The following FAM222A variants were observed in gnomAD, a reference collection of about 807,000 sequenced individuals.
FAM222A encodes family with sequence similarity 222 member A, also known as protein FAM222A.
Under a neutral mutation model 25.8 loss-of-function variants are expected in FAM222A, and 7 were observed. The observed-to-expected ratio is 0.27, with a 90% CI of 0.15 to 0.51. The LOEUF (loss-of-function observed/expected upper bound fraction) is 0.51, where lower values mean the gene tolerates loss of function less well. Ranked by LOEUF, FAM222A falls within the 20% of genes least tolerant of loss-of-function variation. The pLI is 0.97. For synonymous variants in FAM222A, 294 were observed against 298.8 expected (o/e 0.98, Z 0.17); for missense variants, 573 against 640.5 (o/e 0.89, Z 1.14).
chr12:109,760,046 G>T (rs1888848611), intron 2 of FAM222A, among the ~76,000 whole-genome samples: 1 of 152,178 alleles, frequency 6.6e-6, no homozygotes, highest in Non-Finnish European at 1.5e-5. Context: ...TGGGCCAGGG[G>T]TATGTAGGCA....
rs1338732064 is a variant in FAM222A at position 109,714,201 on chromosome 12, TGCCGCC to T, written c.-731_-726del. 6 of 205,922 alleles carry T rather than the reference TGCCGCC, an allele frequency of 2.9e-5. No homozygotes were observed. The highest frequency in any genetic ancestry group is 6.2e-5 in the Admixed American group (1 of 16,062). The allele number at this position is 205,922 out of a possible 1,614,324, so 12.8% of individuals were successfully genotyped here. On this transcript the variant is annotated 5_prime_UTR_variant, in exon 1 of 3. Transcript: ENST00000538780. This position sits in a 1 kb window ranked among gnomAD's most constrained non-coding sequence, Gnocchi z 4.2. ...CTGCATCCGAGCTTGCGTCGCCCGC[TGCCGCC>T]GCCGCCGCCGCTGCCGCCGCCGCTG...
chr12:109,729,359 T>TG (rs927270299), intron 1 of FAM222A, among the ~76,000 whole-genome samples: 7 of 152,306 alleles, frequency 4.6e-5, no homozygotes, highest in African/African-American at 1.4e-4. Flanking sequence ...AGGGGCATGC[T>TG]GGGGGGTCTC....
intron 1 of FAM222A, among the ~76,000 whole-genome samples, chr12:109,733,698 C>T (rs1888005391): frequency 6.6e-6 from 1 of 152,184 alleles, no homozygotes; most frequent in African/African-American, 2.4e-5. Context: ...GCCACCACGC[C>T]CGGCCCCCAT....
At chr12:109,725,356 C>T (rs540233176) in intron 1 of FAM222A, among the ~76,000 whole-genome samples, 1 of 152,208 alleles carries the variant, frequency 6.6e-6, no homozygotes, top group Admixed American at 6.5e-5. Context: ...AGGTACTCAC[C>T]CGAGGTCACC....
At position 109,714,226 on chromosome 12, in the gene FAM222A, G is replaced by A; in HGVS notation, c.-718G>A. On this transcript the variant is annotated 5_prime_UTR_variant, in exon 1 of 3. Transcript: ENST00000538780. The surrounding 1 kb of genome is among the most constrained non-coding windows in gnomAD (Gnocchi z 4.2). ...TGCCGCCGCCGCCGCCGCTGCCGCC[G>A]CCGCTGTTCGCCGGCTTCCCCTCCC... 4.8e-6 allele frequency: 1 copy of A among 206,234 alleles called. No individual in the cohort carries two copies. 12.8% of individuals were successfully genotyped at this position (206,234 alleles called of 1,614,324 possible). A position where few individuals can be genotyped will look rare whatever the true frequency, so the allele number is the denominator to read the frequency against.
At chr12:109,753,232 T>C (rs918577298) in intron 2 of FAM222A, among the ~76,000 whole-genome samples, 1 of 152,162 alleles carries the variant, frequency 6.6e-6, no homozygotes, top group Admixed American at 6.5e-5. Context: ...CCAAGGCAGC[T>C]GTCCCAGGAG....
chr12:109,715,419 G>A (rs1887624279), intron 1 of FAM222A, among the ~76,000 whole-genome samples: 3 of 152,216 alleles, frequency 2.0e-5, no homozygotes, highest in African/African-American at 4.8e-5. Context: ...CGCAGGGACG[G>A]TAGGTTCCCC....
At chr12:109,758,478 C>T (rs1323297229) in intron 2 of FAM222A, among the ~76,000 whole-genome samples, 1 of 152,172 alleles carries the variant, frequency 6.6e-6, no homozygotes, top group Non-Finnish European at 1.5e-5. Context: ...TGGATTCACA[C>T]CTGTGGCTGA....
At chr12:109,756,344 AATGTC>A (rs1439845450) in intron 2 of FAM222A, among the ~76,000 whole-genome samples, 5 of 149,494 alleles carry the variant, frequency 3.3e-5, no homozygotes, top group Non-Finnish European at 7.4e-5. Context: ...TATACAAGAT[AATGTC>A]ATCTGTGACT....
chr12:109,731,736 T>A (rs1392710226), intron 1 of FAM222A, among the ~76,000 whole-genome samples: 1 of 152,140 alleles, frequency 6.6e-6, no homozygotes, highest in African/African-American at 2.4e-5. Context: ...CCACCCATGT[T>A]GAGGGTCTCT....
intron 1 of FAM222A, 69 bp from the exon 2 acceptor site, chr12:109,744,032 G>A (rs867704504): frequency 1.2e-5 from 18 of 1,459,068 alleles, no homozygotes; most frequent in Middle Eastern, 2.5e-4. Flanking sequence ...GGAGACTCCC[G>A]GGGGGAATGG....
chr12:109,762,382 C>T (rs1361139786), intron 2 of FAM222A, among the ~76,000 whole-genome samples: 1 of 152,138 alleles, frequency 6.6e-6, no homozygotes. Flanking sequence ...GATGGAGGTC[C>T]CAAGAGAACA....
chr12:109,768,278 G>A lies in FAM222A; in HGVS notation c.349G>A (p.Ala117Thr), dbSNP rs761060990. The change falls in exon 3 of 3, where the codon GCA becomes ACA. Residue 117 changes from alanine to threonine, a missense_variant. Ala to Thr is a moderately conservative substitution (Grantham distance 58, BLOSUM62 0). Transcript: ENST00000538780. ...KAAVSSSSTA[A>T]PAGPAKSVLK... ...CGCGGTTTCCTCCTCCAGCACGGCCGCACCAGCTGGGCCCGCCAAAAGTGT... is the reference window on the plus strand; with the variant it reads ...CGCGGTTTCCTCCTCCAGCACGGCCACACCAGCTGGGCCCGCCAAAAGTGT... The A allele has an allele frequency of 7.7e-5, 123 of 1,605,316 alleles. No individual in the cohort carries two copies. The Middle Eastern group carries it at 1.2e-3, about 15-fold the overall frequency.
At chr12:109,745,540 G>GT (rs1566192095) in intron 2 of FAM222A, among the ~76,000 whole-genome samples, 1 of 152,204 alleles carries the variant, frequency 6.6e-6, no homozygotes, top group Non-Finnish European at 1.5e-5. Flanking sequence ...TTTAGATGGT[G>GT]TATCTGTGGA....
chr12:109,766,277 C>T (rs1889048095), intron 2 of FAM222A, among the ~76,000 whole-genome samples: 1 of 152,232 alleles, frequency 6.6e-6, no homozygotes, highest in East Asian at 1.9e-4. Flanking sequence ...GTGGGCTGCC[C>T]TTGGGAATGT....
chr12:109,767,266 G>A (rs1274369774), intron 2 of FAM222A, among the ~76,000 whole-genome samples: 1 of 151,906 alleles, frequency 6.6e-6, no homozygotes, highest in Non-Finnish European at 1.5e-5. Context: ...AGTGGCTCAT[G>A]CCTGTAATCC....
chr12:109,744,335 C>T, intron 2 of FAM222A, 107 bp downstream of exon 2: 4 of 1,462,118 alleles, frequency 2.7e-6, no homozygotes, highest in Middle Eastern at 1.8e-4. Flanking sequence ...AGTCTCTATG[C>T]TCTCTTAGGC....
intron 2 of FAM222A, among the ~76,000 whole-genome samples, chr12:109,758,187 G>T (rs1314795416): frequency 6.6e-6 from 1 of 152,188 alleles, no homozygotes; most frequent in Non-Finnish European, 1.5e-5. Flanking sequence ...GCACACATGT[G>T]AGCATCTCAG....
chr12:109,742,495 C>G (rs997753122), intron 1 of FAM222A, among the ~76,000 whole-genome samples: 2 of 152,088 alleles, frequency 1.3e-5, no homozygotes, highest in Admixed American at 1.3e-4. Flanking sequence ...AAATCAAAGC[C>G]GGGAAGTGGA....
Sources: gnomAD v4.1 joint callset for allele counts (sites outside exome capture counted in the v4.1 genomes callset) on GRCh38, gnomAD v4.1.1 for gene constraint, Gnocchi (gnomAD v3.1) non-coding constraint, MANE v1.5 for transcripts, NCBI Gene and HGNC (gene_info 2026-07-23, HGNC 2026-07-21) for gene names.